Variants in SPMIP11 observed in about 807,000 individuals in gnomAD.
SPMIP11 encodes the protein sperm microtubule inner protein 11.
At chr12:48,755,824 A>T in the SPMIP11 span, among the ~76,000 whole-genome samples, 2 of 151,426 alleles carry the variant, frequency 1.3e-5, no homozygotes, top group South Asian at 4.2e-4. Flanking sequence ...AACTATTCTC[A>T]GTCTAGACTG....
chr12:48,764,373 G>A, the SPMIP11 span, among the ~76,000 whole-genome samples: 1 of 152,076 alleles, frequency 6.6e-6, no homozygotes, highest in Admixed American at 6.6e-5. Flanking sequence ...GAACATAATA[G>A]GCACTAGATA....
the SPMIP11 span, among the ~76,000 whole-genome samples, chr12:48,753,566 T>C: frequency 1.8e-3 from 270 of 152,140 alleles, no homozygotes; most frequent in Admixed American, 6.3e-3. Flanking sequence ...CTGCTCAATC[T>C]CCTAGTCTCC....
At chr12:48,764,059 C>T in the SPMIP11 span, among the ~76,000 whole-genome samples, 4 of 151,758 alleles carry the variant, frequency 2.6e-5, no homozygotes, top group East Asian at 1.9e-4. Context: ...CTTGGCTCAC[C>T]GCAACCTCTG....
At chr12:48,729,539 A>AT in the SPMIP11 span, among the ~76,000 whole-genome samples, 1 of 151,250 alleles carries the variant, frequency 6.6e-6, no homozygotes, top group South Asian at 2.1e-4. Context: ...ATCTCAAAAA[A>AT]AAAATAAAAT....
the SPMIP11 span, among the ~76,000 whole-genome samples, chr12:48,753,297 C>T: frequency 1.3e-5 from 2 of 152,216 alleles, no homozygotes; most frequent in African/African-American, 2.4e-5. Context: ...CACAGACATG[C>T]TGACCTTCAA....
the SPMIP11 span, among the ~76,000 whole-genome samples, chr12:48,754,492 C>A: frequency 6.6e-6 from 1 of 152,030 alleles, no homozygotes; most frequent in Non-Finnish European, 1.5e-5. Context: ...GCTCTGTCAC[C>A]CAGGCTGGAG....
the SPMIP11 span, among the ~76,000 whole-genome samples, chr12:48,751,693 T>C: frequency 6.6e-6 from 1 of 152,180 alleles, no homozygotes; most frequent in African/African-American, 2.4e-5. Context: ...AGTGCCTCAG[T>C]TTCCTCACCT....
chr12:48,768,822 C>A, the SPMIP11 span: 1 of 1,551,820 alleles, frequency 6.4e-7, no homozygotes, highest in East Asian at 2.3e-5. Flanking sequence ...CCAGTCCCTG[C>A]CCCACCATAC....
chr12:48,768,806 C>G, the SPMIP11 span: 6 of 1,563,254 alleles, frequency 3.8e-6, no homozygotes, highest in African/African-American at 8.1e-5. Flanking sequence ...GGCTAGCTCC[C>G]TTCCCCCAGT....
the SPMIP11 span, among the ~76,000 whole-genome samples, chr12:48,755,759 C>A: frequency 2.6e-5 from 4 of 152,102 alleles, no homozygotes; most frequent in Admixed American, 2.0e-4. Flanking sequence ...TGACAATCAG[C>A]CTGAGGCCTC....
the SPMIP11 span, among the ~76,000 whole-genome samples, chr12:48,762,533 A>G: frequency 6.6e-6 from 1 of 150,600 alleles, no homozygotes; most frequent in African/African-American, 2.5e-5. Flanking sequence ...ATGCCTGGCT[A>G]ATTTTTGTAT....
At chr12:48,757,435 C>G in the SPMIP11 span, among the ~76,000 whole-genome samples, 1 of 151,392 alleles carries the variant, frequency 6.6e-6, no homozygotes, top group Admixed American at 6.6e-5. Flanking sequence ...ATCATGAGGT[C>G]AGGAGTTGGA....
At chr12:48,732,123 T>A in the SPMIP11 span, among the ~76,000 whole-genome samples, 1 of 147,016 alleles carries the variant, frequency 6.8e-6, no homozygotes, top group Non-Finnish European at 1.5e-5. Context: ...CACTCCAGCC[T>A]GGGCGATAGA....
chr12:48,754,700 T>C, the SPMIP11 span, among the ~76,000 whole-genome samples: 5,475 of 152,088 alleles, frequency 0.036, 336 homozygotes, highest in African/African-American at 0.12. Flanking sequence ...TCCACCCGAC[T>C]AGGCCTCCCA....
chr12:48,759,725 G>A, the SPMIP11 span, among the ~76,000 whole-genome samples: 41,715 of 148,196 alleles, frequency 0.28, 7,806 homozygotes, highest in East Asian at 0.69. Flanking sequence ...CAGGCAGGAA[G>A]AAAAAAAAAG....
the SPMIP11 span, among the ~76,000 whole-genome samples, chr12:48,741,398 T>C: frequency 1.3e-5 from 2 of 152,108 alleles, no homozygotes; most frequent in Non-Finnish European, 2.9e-5. Context: ...GTGTAGAATA[T>C]TCCATAATTT....
chr12:48,756,360 G>T, the SPMIP11 span, among the ~76,000 whole-genome samples: 1 of 152,144 alleles, frequency 6.6e-6, no homozygotes. Context: ...GCTAACCAAG[G>T]CTTCAGTACT....
chr12:48,731,573 T>A, the SPMIP11 span, among the ~76,000 whole-genome samples: 1 of 152,190 alleles, frequency 6.6e-6, no homozygotes, highest in Admixed American at 6.6e-5. Context: ...ATGGTAACTT[T>A]GCTAATGGCC....
the SPMIP11 span, among the ~76,000 whole-genome samples, chr12:48,731,575 C>T: frequency 5.3e-5 from 8 of 152,124 alleles, no homozygotes; most frequent in Non-Finnish European, 5.9e-5. Context: ...GGTAACTTTG[C>T]TAATGGCCAG....
Sources: allele counts gnomAD v4.1 joint callset (sites outside exome capture counted in the v4.1 genomes callset), GRCh38; gene constraint gnomAD v4.1.1; transcripts MANE v1.5; gene names NCBI Gene and HGNC (gene_info 2026-07-23, HGNC 2026-07-21).